The following HECTD4 variants were observed in gnomAD, a reference collection of about 807,000 sequenced individuals.
HECTD4 encodes the protein probable E3 ubiquitin-protein ligase HECTD4.
In HECTD4, 114 loss-of-function variants were observed where a neutral mutation model predicts 471.5. The ratio of observed to expected loss-of-function variants is 0.24; its 90% CI spans 0.21 to 0.28. The LOEUF is 0.28. Ranked by LOEUF, HECTD4 falls within the 10% of genes least tolerant of loss-of-function variation. The probability of loss-of-function intolerance (pLI) is 1.00; values close to 1 mark genes in which losing one functional copy is unlikely to be tolerated. For missense variants in HECTD4, 3,866 were observed against 5,651.5 expected, an observed-to-expected ratio of 0.68 and a Z score of 10.13; for synonymous variants, 2,012 against 2,256.0, an observed-to-expected ratio of 0.89 and a Z score of 3.07.
chr12:112,292,224 T>C (rs1187827901), intron 7 of HECTD4, among the ~76,000 whole-genome samples: 2 of 152,224 alleles, frequency 1.3e-5, no homozygotes, highest in African/African-American at 2.4e-5. Context: ...GCCAACCTCA[T>C]GCCTATCTCA....
chr12:112,185,528 T>C (rs1467238241), intron 60 of HECTD4, 35 bp from the exon 61 acceptor site: 1 of 1,471,270 alleles, frequency 6.8e-7, no homozygotes. Flanking sequence ...GTAATTACTA[T>C]GCAGCACTGG....
Position 112,258,522 on chromosome 12 carries a change from C to G in HECTD4, c.3102G>C (p.Gln1034His). The change falls in exon 20 of 76, where the codon CAG becomes CAC. Residue 1034 changes from glutamine (Q) to histidine (H), a missense_variant. Gln to His is a conservative substitution (Grantham distance 24). Transcript: ENST00000682272. The part of the protein sequence containing the change: ...VGCSPCGAPD[Q>H]KCRLFPDERM... Reference sequence around the variant, plus strand: ...TCTCATCAGGGAACAGCCTGCACTTCTGGTCTGGTGCACCACACGGGGAAC... The same window carrying G: ...TCTCATCAGGGAACAGCCTGCACTTGTGGTCTGGTGCACCACACGGGGAAC... 9 of 1,601,178 alleles carry G rather than the reference C, an allele frequency of 5.6e-6. No homozygotes were observed. Among genetic ancestry groups the G allele is most frequent in the Non-Finnish European group, 7.7e-6 (9 of 1,175,000 alleles).
At position 112,179,320 on chromosome 12, in the gene HECTD4, T is replaced by A; in HGVS notation, c.11065A>T (p.Ser3689Cys). ...CTGATGGGCTTCGCTGGTGTCAGGCTCAGCGTCTGCTCTGAATGGGCACAA... is the reference window on the plus strand; with the variant it reads ...CTGATGGGCTTCGCTGGTGTCAGGCACAGCGTCTGCTCTGAATGGGCACAA... ...KSCAHSEQTL[S>C]LTPAKPIRVS... The change falls in exon 63 of 76, where the codon AGC becomes TGC. Residue 3689 changes from serine to cysteine, a missense_variant. Physicochemically the swap from Ser to Cys is moderately radical, Grantham distance 112. Around this residue, in one of 16 missense-constraint regions of HECTD4, gnomAD observed 715 missense variants for 1,087.6 expected, o/e 0.66. Transcript: ENST00000682272. The surrounding 1 kb of genome is among the most constrained non-coding windows in gnomAD (Gnocchi z 4.3). 6.2e-7 allele frequency: 1 copy of A among 1,613,434 alleles called. No homozygotes were observed. Among genetic ancestry groups the A allele is most frequent in the Non-Finnish European group, 8.5e-7 (1 of 1,179,674 alleles).
In HECTD4 at chr12:112,270,318, G is replaced by T; in HGVS notation, c.2084C>A (p.Ala695Glu). 3 of 1,614,034 alleles carry T rather than the reference G, an allele frequency of 1.9e-6. No homozygotes were observed. Among genetic ancestry groups the T allele is most frequent in the Non-Finnish European group, 2.5e-6 (3 of 1,179,890 alleles). ...SVLGKQHPIEAHHLSSICDIM... is the reference protein window; with the variant it reads ...SVLGKQHPIEEHHLSSICDIM... The stretch of plus-strand genomic sequence containing the variant: ...GTCACAAATACTGCTAAGATGATGT[G>T]CTTCAATTGGATGCTGCTTGCCCAA... The change falls in exon 12 of 76, where the codon GCA (alanine) becomes GAA (glutamate). Residue 695 changes from alanine to glutamate, a missense_variant. By Grantham distance (107) the Ala-to-Glu change is moderately radical. Coordinates refer to ENST00000682272, the MANE Select transcript of HECTD4 (RefSeq NM_001388303.1).
Position 112,188,047 on chromosome 12 carries a change from G to A in HECTD4, c.9473-2554C>T, listed in dbSNP as rs1026171840. Among the ~76,000 whole-genome samples, 1 of 152,128 alleles carries A rather than the reference G, an allele frequency of 6.6e-6. No individual in the cohort carries two copies. The highest frequency in any genetic ancestry group is 2.4e-5 in the African/African-American group (1 of 41,442). ...CATGCCTGTAATCCCAGTACTATGG[G>A]AGGCCAAGGCAGGTGGGTCACCTGA... On this transcript the variant is annotated intron_variant, in intron 60 of 75. Transcript: ENST00000682272. This position sits in a 1 kb window ranked among gnomAD's most constrained non-coding sequence, Gnocchi z 4.2.
intron 11 of HECTD4, among the ~76,000 whole-genome samples, chr12:112,271,087 A>G (rs2034403792): frequency 6.6e-6 from 1 of 152,224 alleles, no homozygotes; most frequent in South Asian, 2.1e-4. Context: ...TCAAAAAAAA[A>G]GCTTTATCAA....
intron 66 of HECTD4, among the ~76,000 whole-genome samples, chr12:112,174,261 G>T (rs569677601): frequency 6.7e-6 from 1 of 149,690 alleles, no homozygotes; most frequent in Non-Finnish European, 1.5e-5. Flanking sequence ...GAGCCACCTC[G>T]TCTGACTTTT....
At chr12:112,371,904 A>G (rs995051837) in intron 1 of HECTD4, among the ~76,000 whole-genome samples, 6 of 150,724 alleles carry the variant, frequency 4.0e-5, no homozygotes, top group Non-Finnish European at 5.9e-5. Flanking sequence ...AAAAAAAAAA[A>G]AAAGAAAAAA....
chr12:112,381,974 T>C lies in HECTD4; in HGVS notation c.155A>G (p.Glu52Gly). Residue 52 changes from glutamate to glycine, a missense_variant, in exon 1 of 76, where the codon GAG becomes GGG. Physicochemically the swap from Glu to Gly is moderately conservative, Grantham distance 98. Coordinates refer to ENST00000682272, the MANE Select transcript of HECTD4 (RefSeq NM_001388303.1). The surrounding 1 kb of genome is among the most constrained non-coding windows in gnomAD (Gnocchi z 4.1). ...ELPSEILGAP[E>G]AADTDLEILT... Reference sequence around the variant, plus strand: ...CACCTCCAGGTCGGTGTCCGCGGCCTCTGGGGCCCCGAGGATCTCGCTGGG... The same window carrying C: ...CACCTCCAGGTCGGTGTCCGCGGCCCCTGGGGCCCCGAGGATCTCGCTGGG... The C allele has an allele frequency of 8.2e-7, 1 of 1,224,134 alleles. No homozygotes were observed. The allele number at this position is 1,224,134 out of a possible 1,614,324, so 75.8% of individuals were successfully genotyped here.
chr12:112,374,906 G>A (rs1369582371), intron 1 of HECTD4, among the ~76,000 whole-genome samples: 1 of 152,136 alleles, frequency 6.6e-6, no homozygotes, highest in African/African-American at 2.4e-5. Flanking sequence ...GGTTCCATTT[G>A]TTAATTAACA....
chr12:112,164,076 C>T (rs2030822138), intron 73 of HECTD4, 33 bp downstream of exon 73: 36 of 1,401,430 alleles, frequency 2.6e-5, no homozygotes, highest in Non-Finnish European at 3.3e-5. Flanking sequence ...CCGGGCCAGC[C>T]CCTGCCAGCC....
chr12:112,275,216 C>T (rs78191969), intron 9 of HECTD4, among the ~76,000 whole-genome samples: 2,280 of 152,272 alleles, frequency 0.015, 68 homozygotes, highest in African/African-American at 0.052. Context: ...TTTTGCATGA[C>T]GGTTCTTTCC....
chr12:112,242,047 C>CCCAATAGGAAACTCATATAGAA (rs2033653458), intron 32 of HECTD4, among the ~76,000 whole-genome samples: 1 of 152,050 alleles, frequency 6.6e-6, no homozygotes, highest in South Asian at 2.1e-4. Context: ...ATTTTTGAAG[C>CCCAATAGGAAACTCATATAGAA]CCAATAGGAA....
intron 7 of HECTD4, among the ~76,000 whole-genome samples, chr12:112,296,734 G>A (rs543173468): frequency 8.0e-5 from 12 of 150,692 alleles, no homozygotes; most frequent in Admixed American, 5.9e-4. Context: ...GATGGTGTAG[G>A]TGCAGAGGGT....
chr12:112,204,618 C>T lies in HECTD4; in HGVS notation c.8137G>A (p.Val2713Met). The change falls in exon 53 of 76, where the codon GTG becomes ATG. Residue 2713 changes from valine (V) to methionine (M), a missense_variant. This residue lies in a region of HECTD4 where 266 missense variants were observed against 441.6 expected (regional missense o/e 0.60). Transcript: ENST00000682272. ...QIKGALQLGM[V>M]DIARQTVEFL... ...TCAACCGTCTGTCGGGCAATATCCA[C>T]CATACCTAAAAAATATAACAGCACA... 1 of 1,612,246 alleles carries T rather than the reference C, an allele frequency of 6.2e-7. No homozygotes were observed. Among genetic ancestry groups the T allele is most frequent in the Non-Finnish European group, 8.5e-7 (1 of 1,178,878 alleles).
At chr12:112,280,666 A>C (rs1468606057) in intron 8 of HECTD4, among the ~76,000 whole-genome samples, 3 of 152,178 alleles carry the variant, frequency 2.0e-5, no homozygotes, top group Admixed American at 2.0e-4. Context: ...AGAAACCTAA[A>C]GACAGCAATA....
chr12:112,356,319 T>C (rs2036337323), intron 1 of HECTD4, among the ~76,000 whole-genome samples: 1 of 152,194 alleles, frequency 6.6e-6, no homozygotes. Context: ...ACTAAATAAT[T>C]ACAGCTATAT....
intron 13 of HECTD4, among the ~76,000 whole-genome samples, chr12:112,268,248 C>T (rs928029513): frequency 1.3e-5 from 2 of 152,262 alleles, no homozygotes; most frequent in Admixed American, 1.3e-4. Flanking sequence ...AGTGAATATA[C>T]CCATCCCCTC....
intron 7 of HECTD4, among the ~76,000 whole-genome samples, chr12:112,300,223 C>T (rs957688280): frequency 6.6e-6 from 1 of 150,880 alleles, no homozygotes; most frequent in East Asian, 2.0e-4. Context: ...GCAGGAGAAT[C>T]GCTTCAGCCT....
Sources: gnomAD v4.1 joint callset for allele counts (sites outside exome capture counted in the v4.1 genomes callset) on GRCh38, gnomAD v4.1.1 for gene constraint, gnomAD v4.1.1 regional missense constraint, Gnocchi (gnomAD v3.1) non-coding constraint, MANE v1.5 for transcripts, NCBI Gene and HGNC (gene_info 2026-07-23, HGNC 2026-07-21) for gene names.